The following KANSL1 variants were observed in gnomAD, a reference collection of about 807,000 sequenced individuals.
KANSL1 encodes the protein KAT8 regulatory NSL complex subunit 1.
In KANSL1, 22 loss-of-function variants were observed where a neutral mutation model predicts 103.6. The ratio of observed to expected loss-of-function variants is 0.21; its 90% CI spans 0.15 to 0.30. The LOEUF is 0.30. KANSL1 is among the 10% of genes least tolerant of loss of function. The probability of loss-of-function intolerance (pLI) is 1.00; values close to 1 mark genes in which losing one functional copy is unlikely to be tolerated. For synonymous variants in KANSL1, 600 were observed against 527.6 expected, an observed-to-expected ratio of 1.14 and a Z score of -1.88; for missense variants, 1,337 against 1,399.8, an observed-to-expected ratio of 0.96 and a Z score of 0.72.
intron 1 of KANSL1, among the ~76,000 whole-genome samples, chr17:46,181,683 C>A (rs1228344198): frequency 1.3e-5 from 2 of 152,226 alleles, no homozygotes; most frequent in East Asian, 1.9e-4. Flanking sequence ...CGACCCGCCT[C>A]GGCCTCCCAA....
intron 4 of KANSL1, among the ~76,000 whole-genome samples, chr17:46,076,369 G>A (rs545106746): frequency 1.1e-3 from 172 of 151,920 alleles, no homozygotes; most frequent in African/African-American, 4.0e-3. Flanking sequence ...GGTGGCACAC[G>A]CCTGTAATCC....
intron 2 of KANSL1, among the ~76,000 whole-genome samples, chr17:46,101,451 TAAG>T (rs1348722364): frequency 3.9e-5 from 6 of 152,114 alleles, no homozygotes; most frequent in African/African-American, 1.4e-4. Flanking sequence ...ATGTATTAGA[TAAG>T]AATAACAATT....
intron 1 of KANSL1, among the ~76,000 whole-genome samples, chr17:46,207,566 G>A (rs1317332072): frequency 6.6e-6 from 1 of 151,720 alleles, no homozygotes; most frequent in Non-Finnish European, 1.5e-5. Context: ...TAGCCAGAGT[G>A]ACAGAGCAAG....
intron 2 of KANSL1, among the ~76,000 whole-genome samples, chr17:46,146,775 G>C (rs2044726578): frequency 9.2e-6 from 1 of 108,442 alleles, no homozygotes. Context: ...GGAGCTTGCA[G>C]TGAGCCGAGA....
upstream of KANSL1, among the ~76,000 whole-genome samples, chr17:46,195,387 A>T (rs1406822031): frequency 1.3e-5 from 2 of 152,284 alleles, no homozygotes; most frequent in Non-Finnish European, 2.9e-5. Flanking sequence ...ATTAGGAGAA[A>T]ACTGGAAAAT....
rs150345690 is a variant in KANSL1, at chr17:46,171,464, C to T, written c.680G>A (p.Ser227Asn). The change falls in exon 2 of 15, where the codon AGC (serine) becomes AAC (asparagine). Residue 227 changes from serine (S) to asparagine (N), a missense_variant. Coordinates refer to ENST00000432791, the MANE Select transcript of KANSL1 (RefSeq NM_015443.4). ...ATTGACAGAGGATTTGTTTGCAGTGCTATTATTGCTATACAAAGTTGTGTG... is the reference window on the plus strand; with the variant it reads ...ATTGACAGAGGATTTGTTTGCAGTGTTATTATTGCTATACAAAGTTGTGTG... ...VEHTTLYSNN[S>N]TANKSSVNSM... 7.7e-4 allele frequency: 1,245 copies of T among 1,613,838 alleles called. No homozygotes were observed. The highest frequency in any genetic ancestry group is 1.2e-3 in the Admixed American group (71 of 60,020).
intron 6 of KANSL1, among the ~76,000 whole-genome samples, chr17:46,055,818 AAGTATATATG>A (rs2077905192): frequency 6.6e-6 from 1 of 152,156 alleles, no homozygotes; most frequent in African/African-American, 2.4e-5. Flanking sequence ...AAATTGACCA[AAGTATATATG>A]ACAGTTTATT....
At chr17:46,094,513 T>C (rs752048730) in intron 3 of KANSL1, 47 bp downstream of exon 3, 12 of 1,589,456 alleles carry the variant, frequency 7.5e-6, no homozygotes, top group Non-Finnish European at 9.4e-6. Flanking sequence ...AAAGCGATAT[T>C]GATAGTTTTC....
chr17:46,030,836 A>G lies in KANSL1; in HGVS notation c.*640T>C, dbSNP rs17574361. The G allele has an allele frequency of 0.14, 21,835 of 152,604 alleles. 2,129 individuals are homozygous for G. Among genetic ancestry groups the G allele is most frequent in the Non-Finnish European group, 0.22 (14,790 of 68,316 alleles). 9.5% of individuals were successfully genotyped at this position (152,604 alleles called of 1,614,324 possible). A position where few individuals can be genotyped will look rare whatever the true frequency, so the allele number is the denominator to read the frequency against. ...AGCCACAGCCAGGTTACTGCAGTGA[A>G]AGAGTCAAAACAGAGAAGACCAAAT... On this transcript the variant is annotated 3_prime_UTR_variant, in exon 15 of 15. Transcript: ENST00000432791.
intron 6 of KANSL1, among the ~76,000 whole-genome samples, chr17:46,052,207 A>G (rs1309750914): frequency 6.6e-6 from 1 of 152,220 alleles, no homozygotes; most frequent in Non-Finnish European, 1.5e-5. Context: ...TTCAATATTC[A>G]AAAGAGATTA....
chr17:46,144,324 T>C (rs1204414216), intron 2 of KANSL1, among the ~76,000 whole-genome samples: 1 of 152,188 alleles, frequency 6.6e-6, no homozygotes, highest in Non-Finnish European at 1.5e-5. Flanking sequence ...GAAAAAGAAA[T>C]TCCAGATTTC....
intron 6 of KANSL1, among the ~76,000 whole-genome samples, chr17:46,053,862 G>A (rs747311249): frequency 2.6e-5 from 4 of 151,828 alleles, no homozygotes; most frequent in Non-Finnish European, 5.9e-5. Context: ...GTGTACACAC[G>A]CACACGCTCT....
intron 2 of KANSL1, among the ~76,000 whole-genome samples, chr17:46,140,568 A>C (rs1463492272): frequency 1.3e-5 from 2 of 152,222 alleles, no homozygotes; most frequent in African/African-American, 2.4e-5. Context: ...AAAATTTAAA[A>C]CTTCTGTAAA....
At chr17:46,150,580 T>C (rs921235391) in intron 2 of KANSL1, among the ~76,000 whole-genome samples, 3 of 152,220 alleles carry the variant, frequency 2.0e-5, no homozygotes, top group African/African-American at 7.2e-5. Flanking sequence ...CTAAATTCCT[T>C]TACATAACAT....
chr17:46,160,069 A>G (rs541195826), intron 2 of KANSL1, among the ~76,000 whole-genome samples: 2 of 152,336 alleles, frequency 1.3e-5, no homozygotes, highest in East Asian at 1.9e-4. Context: ...AAGATAGAAC[A>G]TGTATGACCA....
intron 6 of KANSL1, among the ~76,000 whole-genome samples, chr17:46,054,503 C>CA (rs1265557868): frequency 1.3e-5 from 2 of 152,212 alleles, no homozygotes; most frequent in South Asian, 4.1e-4. Flanking sequence ...CCAAATCAAT[C>CA]AACACAGTAA....
At chr17:46,180,857 A>G (rs2046755788) in intron 1 of KANSL1, among the ~76,000 whole-genome samples, 1 of 152,122 alleles carries the variant, frequency 6.6e-6, no homozygotes, top group African/African-American at 2.4e-5. Flanking sequence ...GTATATACAT[A>G]TATATATACA....
At chr17:46,205,854 G>C (rs972174830) in intron 1 of KANSL1, among the ~76,000 whole-genome samples, 4 of 152,112 alleles carry the variant, frequency 2.6e-5, no homozygotes, top group Admixed American at 1.3e-4. Context: ...GAAGTGGGTG[G>C]GCTGCTTGAG....
At position 46,030,200 on chromosome 17, in the gene KANSL1, G is replaced by C. The variant is rs1186630691; in HGVS notation, c.*1276C>G. ...TTCAGAATTTTCAACCTTATAAATA[G>C]AAGAAGCACTTTATGCATAGGGATA... On this transcript the variant is annotated 3_prime_UTR_variant, in exon 15 of 15. Coordinates refer to ENST00000432791, the MANE Select transcript of KANSL1 (RefSeq NM_015443.4). 1.4e-5 allele frequency: 2 copies of C among 147,052 alleles called. No homozygotes were observed. Among genetic ancestry groups the C allele is most frequent in the African/African-American group, 2.5e-5 (1 of 39,390 alleles). The allele number at this position is 147,052 out of a possible 1,614,324, so 9.1% of individuals were successfully genotyped here.
Sources: gnomAD v4.1 joint callset for allele counts (sites outside exome capture counted in the v4.1 genomes callset) on GRCh38, gnomAD v4.1.1 for gene constraint, MANE v1.5 for transcripts, NCBI Gene and HGNC (gene_info 2026-07-23, HGNC 2026-07-21) for gene names.